The following KRT86 variants were observed in gnomAD, a reference collection of about 807,000 sequenced individuals.
KRT86 encodes keratin, type II cuticular Hb6.
In KRT86, 30 loss-of-function variants were observed where a neutral mutation model predicts 41.2. That is an observed-to-expected ratio of 0.73 (90% confidence interval 0.54 to 0.99). The LOEUF (loss-of-function observed/expected upper bound fraction) is 0.99. KRT86 is among the 50% of genes least tolerant of loss of function. The pLI is 0.00. For missense variants in KRT86, 561 were observed against 571.4 expected (o/e 0.98, Z 0.19); for synonymous variants, 238 against 238.1 (o/e 1.00, Z 0.00).
chr12:52,297,391 A>G (rs1938275170), intron 2 of KRT86, among the ~76,000 whole-genome samples: 1 of 152,184 alleles, frequency 6.6e-6, no homozygotes, highest in Non-Finnish European at 1.5e-5. Context: ...CCTTCCCTCC[A>G]AAATTAAGAC....
intron 2 of KRT86, among the ~76,000 whole-genome samples, chr12:52,301,577 C>T (rs1938376518): frequency 6.6e-6 from 1 of 152,182 alleles, no homozygotes; most frequent in South Asian, 2.1e-4. Context: ...CCCACTCCTT[C>T]GTCCAACGTC....
At chr12:52,287,116 C>A in intron 2 of KRT86, 2 of 1,613,092 alleles carry the variant, frequency 1.2e-6, no homozygotes, top group Non-Finnish European at 1.7e-6. Flanking sequence ...GCTCCTCGCC[C>A]TCCAGCAGGC....
At chr12:52,278,336 C>T (rs565432649) in intron 2 of KRT86, among the ~76,000 whole-genome samples, 5 of 152,026 alleles carry the variant, frequency 3.3e-5, no homozygotes, top group Non-Finnish European at 5.9e-5. Context: ...ACACACTAGT[C>T]TTCAGATTAT....
intron 6 of KRT86, 36 bp downstream of exon 6, chr12:52,305,063 C>G (rs571931067): frequency 4.7e-5 from 76 of 1,612,458 alleles, no homozygotes; most frequent in Admixed American, 4.7e-4. Context: ...ACCTGGCAGC[C>G]AGCAGAGAGG....
intron 10 of KRT86, 39 bp downstream of exon 10, chr12:52,308,303 G>A (rs761564915): frequency 6.2e-7 from 1 of 1,614,052 alleles, no homozygotes; most frequent in Non-Finnish European, 8.5e-7. Context: ...CGCTGGGCGG[G>A]TCTGGGAGCC....
intron 2 of KRT86, 132 bp from the exon 3 acceptor site, chr12:52,301,781 C>A: frequency 6.3e-7 from 1 of 1,586,998 alleles, no homozygotes. Flanking sequence ...TTGCTCCGAC[C>A]CACGTGGTCA....
At chr12:52,304,879 C>T in intron 5 of KRT86, 53 bp from the exon 6 acceptor site, 1 of 1,584,742 alleles carries the variant, frequency 6.3e-7, no homozygotes, top group Non-Finnish European at 8.7e-7. Flanking sequence ...AGAGAGGAAT[C>T]TAGAGGCTGG....
chr12:52,305,275 C>G lies in KRT86; in HGVS notation c.771C>G (p.Thr257=), dbSNP rs112956699. The change falls in exon 7 of 11, where the codon ACC becomes ACG. Residue 257 remains threonine (T), a synonymous_variant. Transcript: ENST00000423955. ...IRVLQSHISD[T]SVVVKLDNSR... ...TTCTCCAGTCCCACATCTCAGACAC[C>G]TCCGTGGTTGTCAAGCTGGACAACA... The G allele has an allele frequency of 1.1e-3, 1,813 of 1,614,206 alleles. 17 individuals are homozygous for G. The African/African-American group carries it at 0.021, about 19-fold the overall frequency.
At position 52,287,653 on chromosome 12, in the gene KRT86, A is replaced by G. The variant is rs3187034; in HGVS notation, c.-5+11707A>G. 815,252 of 1,609,380 alleles carry G rather than the reference A, an allele frequency of 0.51. 211,427 individuals are homozygous for G. The highest frequency in any genetic ancestry group is 0.57 in the African/African-American group (42,348 of 74,752). ...GCCTTTGGATCATGCGGTTCAGCTC[A>G]TTGATCTCCTCCTTGGTGCGGCGCA... On this transcript the variant is annotated intron_variant, in intron 2 of 10. Transcript: ENST00000423955.
chr12:52,286,312 G>A (rs1012226748), intron 2 of KRT86: 5 of 1,554,514 alleles, frequency 3.2e-6, no homozygotes, highest in African/African-American at 1.4e-5. Flanking sequence ...TGATACCACA[G>A]GAGCCCACGC....
intron 5 of KRT86, 139 bp from the exon 6 acceptor site, chr12:52,304,793 C>A: frequency 1.0e-6 from 1 of 986,628 alleles, no homozygotes; most frequent in Non-Finnish European, 1.6e-6. Context: ...CCGGGAAGGG[C>A]CAGAAGGGAA....
intron 2 of KRT86, among the ~76,000 whole-genome samples, chr12:52,295,451 C>A (rs1331296876): frequency 6.6e-6 from 1 of 152,190 alleles, no homozygotes; most frequent in African/African-American, 2.4e-5. Flanking sequence ...CCCTTCTGTA[C>A]ACCATCGGCC....
intron 2 of KRT86, chr12:52,286,136 A>AG (rs1228954462): frequency 4.9e-6 from 4 of 820,352 alleles, no homozygotes; most frequent in Non-Finnish European, 8.2e-6. Context: ...CAGGAGTGGG[A>AG]GGGGTCTTTC....
intron 2 of KRT86, among the ~76,000 whole-genome samples, chr12:52,280,196 T>C (rs1169221490): frequency 6.6e-6 from 1 of 152,026 alleles, no homozygotes; most frequent in Non-Finnish European, 1.5e-5. Context: ...GTGGAGGAAA[T>C]TGTGGGCTGT....
chr12:52,284,776 C>T (rs1937872146), intron 2 of KRT86, among the ~76,000 whole-genome samples: 1 of 152,184 alleles, frequency 6.6e-6, no homozygotes, highest in Non-Finnish European at 1.5e-5. Flanking sequence ...TTTAGAGATT[C>T]ACTCCGGCTT....
chr12:52,285,998 T>C, intron 2 of KRT86: 1 of 544,780 alleles, frequency 1.8e-6, no homozygotes, highest in South Asian at 2.1e-5. Context: ...GGCAAGGTTC[T>C]GGTCCTGGCC....
At chr12:52,288,433 G>T in intron 2 of KRT86, 1 of 1,614,162 alleles carries the variant, frequency 6.2e-7, no homozygotes. Context: ...GGTCTGACTT[G>T]CGGAGGTAGG....
At chr12:52,293,824 A>G (rs1374655417) in intron 2 of KRT86, among the ~76,000 whole-genome samples, 1 of 152,104 alleles carries the variant, frequency 6.6e-6, no homozygotes. Context: ...AATTGAGGAG[A>G]AGAAAAGAGA....
At position 52,308,385 on chromosome 12, in the gene KRT86, C is replaced by T; in HGVS notation, c.1280-19C>T. 6.2e-7 allele frequency: 1 copy of T among 1,611,300 alleles called. No homozygotes were observed. The highest frequency in any genetic ancestry group is 8.5e-7 in the Non-Finnish European group (1 of 1,179,334). On this transcript the variant is annotated intron_variant, in intron 10 of 10. Coordinates refer to ENST00000423955, the MANE Select transcript of KRT86 (RefSeq NM_001320198.2). ...TCGCGGCTGCGCCTGACGCGCGCCT[C>T]CGTCTCTTTCCCCTGCAGGCGTCAG... is the stretch of plus-strand genomic sequence containing the variant.
Sources: allele counts gnomAD v4.1 joint callset (sites outside exome capture counted in the v4.1 genomes callset), GRCh38; gene constraint gnomAD v4.1.1; transcripts MANE v1.5; gene names NCBI Gene and HGNC (gene_info 2026-07-23, HGNC 2026-07-21).